NDST4: variants seen among roughly 807,000 people sequenced by gnomAD.
NDST4 encodes N-deacetylase and N-sulfotransferase 4, also known as N-heparan sulfate sulfotransferase 4.
NDST4 carries 63 observed loss-of-function variants against 100.8 expected under a neutral mutation model. The observed-to-expected ratio is 0.62, with a 90% confidence interval of 0.51 to 0.77. The LOEUF (loss-of-function observed/expected upper bound fraction) is 0.77. Ranked by LOEUF, NDST4 falls within the 30% of genes least tolerant of loss-of-function variation. The pLI, the probability that NDST4 is intolerant of heterozygous loss-of-function variation, is 0.00. For missense variants in NDST4, 943 were observed against 1,018.4 expected (o/e 0.93, Z 1.01); for synonymous variants, 377 against 361.8 (o/e 1.04, Z -0.48).
intron 2 of NDST4, among the ~76,000 whole-genome samples, chr4:115,072,840 A>C (rs932632109): frequency 1.3e-5 from 2 of 152,050 alleles, no homozygotes; most frequent in Admixed American, 6.6e-5. Context: ...ATGGAATTAC[A>C]TCAAGCAAAA....
At chr4:115,055,148 T>C in intron 2 of NDST4, among the ~76,000 whole-genome samples, 1 of 152,256 alleles carries the variant, frequency 6.6e-6, no homozygotes, top group African/African-American at 2.4e-5. Flanking sequence ...GAGAATCTAA[T>C]GCCTCATGAT....
intron 5 of NDST4, among the ~76,000 whole-genome samples, chr4:114,935,963 T>C (rs1578399547): frequency 6.6e-6 from 1 of 152,170 alleles, no homozygotes; most frequent in Middle Eastern, 3.4e-3. Context: ...GGTAATTTAA[T>C]GGACAAATGC....
intron 8 of NDST4, among the ~76,000 whole-genome samples, chr4:114,852,012 A>G (rs902527298): frequency 3.9e-5 from 6 of 152,186 alleles, no homozygotes; most frequent in Non-Finnish European, 5.9e-5. Context: ...CAGCAACTCA[A>G]TAAAACTTTA....
chr4:114,937,970 T>C (rs1244740110), intron 4 of NDST4, among the ~76,000 whole-genome samples: 1 of 152,118 alleles, frequency 6.6e-6, no homozygotes, highest in Non-Finnish European at 1.5e-5. Flanking sequence ...AACTGAAAGA[T>C]TTTGAATTAA....
intron 10 of NDST4, among the ~76,000 whole-genome samples, chr4:114,840,471 T>A (rs756923374): frequency 6.6e-6 from 1 of 152,156 alleles, no homozygotes; most frequent in Non-Finnish European, 1.5e-5. Context: ...ATTTGACATA[T>A]TTGATTAGAG....
chr4:115,042,081 A>G (rs1012436566), intron 2 of NDST4, among the ~76,000 whole-genome samples: 3 of 152,136 alleles, frequency 2.0e-5, no homozygotes, highest in Non-Finnish European at 4.4e-5. Flanking sequence ...ATTTTCACTT[A>G]CCTGATTCCA....
intron 1 of NDST4, among the ~76,000 whole-genome samples, chr4:115,110,988 C>G (rs1368370764): frequency 6.6e-6 from 1 of 151,988 alleles, no homozygotes; most frequent in Non-Finnish European, 1.5e-5. Context: ...GTTTCCCCAG[C>G]TGCTTTCTAA....
chr4:114,846,088 T>C lies in NDST4; in HGVS notation c.1941-91A>G, dbSNP rs78068228. The C allele has an allele frequency of 4.3e-3, 3,943 of 921,368 alleles. 109 individuals are homozygous for C. The Admixed American group carries it at 0.05, about 12-fold the overall frequency. The allele number at this position is 921,368 out of a possible 1,614,324, so 57.1% of individuals were successfully genotyped here. On this transcript the variant is annotated intron_variant, in intron 9 of 13. Transcript: ENST00000264363. ...AATAATTGGAACATTTTAATATTCA[T>C]TTATAGCTATTTCTGATTATTATGC...
At chr4:115,004,037 T>C (rs1727358263) in intron 2 of NDST4, among the ~76,000 whole-genome samples, 1 of 152,110 alleles carries the variant, frequency 6.6e-6, no homozygotes, top group Admixed American at 6.6e-5. Context: ...CTACCAAGAC[T>C]CTGCTCTTTC....
At chr4:115,030,050 T>C (rs1349039365) in intron 2 of NDST4, among the ~76,000 whole-genome samples, 3 of 152,138 alleles carry the variant, frequency 2.0e-5, no homozygotes, top group Non-Finnish European at 4.4e-5. Flanking sequence ...TTATTACTGT[T>C]TTATGCTATG....
At chr4:114,981,170 T>C (rs968610623) in intron 2 of NDST4, among the ~76,000 whole-genome samples, 1 of 150,482 alleles carries the variant, frequency 6.6e-6, no homozygotes, top group Non-Finnish European at 1.5e-5. Flanking sequence ...CAATGAGCCA[T>C]GTTCATGCCA....
intron 8 of NDST4, among the ~76,000 whole-genome samples, chr4:114,852,242 T>C (rs536983263): frequency 6.6e-6 from 1 of 152,162 alleles, no homozygotes; most frequent in Non-Finnish European, 1.5e-5. Context: ...TAATACCTAA[T>C]GATTAATTTT....
chr4:114,937,287 T>G (rs1410812754), intron 5 of NDST4, 31 bp downstream of exon 5: 2 of 1,607,618 alleles, frequency 1.2e-6, no homozygotes, highest in Non-Finnish European at 1.7e-6. Context: ...AATATTAACA[T>G]CCTTCAATAT....
chr4:114,956,979 A>G (rs1314194122), intron 4 of NDST4, among the ~76,000 whole-genome samples: 1 of 152,220 alleles, frequency 6.6e-6, no homozygotes, highest in East Asian at 1.9e-4. Context: ...CCAAGGTGCC[A>G]GACATAGAAG....
chr4:114,851,977 T>C lies in NDST4; in HGVS notation c.1816+748A>G, dbSNP rs558010541. Among the ~76,000 whole-genome samples the C allele has an allele frequency of 5.6e-4, 86 of 152,284 alleles. 1 individual carries two copies. In the South Asian group the frequency reaches 8.7e-3, roughly 15 times the overall value. Reference sequence around the variant, plus strand: ...GTGCACTCACTGATGAAAATGCTTCTAGTCAAAGTAGTGAATTCAAAATAC... The same window carrying C: ...GTGCACTCACTGATGAAAATGCTTCCAGTCAAAGTAGTGAATTCAAAATAC... On this transcript the variant is annotated intron_variant, in intron 8 of 13. Transcript: ENST00000264363.
intron 5 of NDST4, among the ~76,000 whole-genome samples, chr4:114,937,074 A>G (rs1725645139): frequency 6.6e-6 from 1 of 152,254 alleles, no homozygotes; most frequent in African/African-American, 2.4e-5. Flanking sequence ...GATAATCTAT[A>G]CATAACTCAT....
intron 2 of NDST4, among the ~76,000 whole-genome samples, chr4:115,011,506 A>G (rs566843046): frequency 1.7e-4 from 26 of 151,702 alleles, no homozygotes; most frequent in Non-Finnish European, 3.5e-4. Flanking sequence ...CTTCCTTAAA[A>G]TGGTTGGTAG....
At chr4:114,897,686 T>TCC (rs1474816643) in intron 6 of NDST4, among the ~76,000 whole-genome samples, 1 of 152,172 alleles carries the variant, frequency 6.6e-6, no homozygotes, top group African/African-American at 2.4e-5. Context: ...CATTTTCCAT[T>TCC]CCCACCAGCA....
chr4:115,066,842 C>G (rs1024338024), intron 2 of NDST4, among the ~76,000 whole-genome samples: 5 of 152,152 alleles, frequency 3.3e-5, no homozygotes. Context: ...GATGGCTCCT[C>G]TCTCCTGCAC....
Sources: allele counts gnomAD v4.1 joint callset (sites outside exome capture counted in the v4.1 genomes callset), GRCh38; gene constraint gnomAD v4.1.1; transcripts MANE v1.5; gene names NCBI Gene and HGNC (gene_info 2026-07-23, HGNC 2026-07-21).